Variants in ACER3 observed in about 807,000 individuals in gnomAD.
ACER3 encodes alkCDase 3.
Under a neutral mutation model 48.9 loss-of-function variants are expected in ACER3, and 16 were observed. That is an observed-to-expected ratio of 0.33 (90% confidence interval 0.22 to 0.50). The LOEUF (loss-of-function observed/expected upper bound fraction) is 0.50, where lower values mean the gene tolerates loss of function less well. ACER3 is among the 20% of genes least tolerant of loss of function. ACER3 has a pLI of 0.98. For missense variants in ACER3, 227 were observed against 326.0 expected (o/e 0.70, Z 2.34); for synonymous variants, 109 against 107.8 (o/e 1.01, Z -0.07).
At position 76,965,564 on chromosome 11, in the gene ACER3, T is replaced by A. The variant is rs553122598; in HGVS notation, c.267+6533T>A. 5.7e-3 allele frequency among the ~76,000 whole-genome samples: 861 copies of A among 151,356 alleles called. 4 individuals are homozygous for A. The highest frequency in any genetic ancestry group is 0.01 in the Non-Finnish European group (709 of 68,012). The stretch of plus-strand genomic sequence containing the variant: ...TGTTAAGGGCAGCCAGACAGAAAGG[T>A]AGGGTTACCCACAAAGGGAAGCCCA... On this transcript the variant is annotated intron_variant, in intron 3 of 10. Transcript: ENST00000532485.
intron 7 of ACER3, chr11:77,011,255 C>A: frequency 1.2e-6 from 1 of 827,150 alleles, no homozygotes; most frequent in Non-Finnish European, 1.5e-6. Context: ...TTGCATGGAC[C>A]ATGTGCTGAT....
intron 7 of ACER3, among the ~76,000 whole-genome samples, chr11:77,009,596 GC>G (rs1157125262): frequency 1.3e-5 from 2 of 152,144 alleles, no homozygotes; most frequent in Non-Finnish European, 2.9e-5. Context: ...GACTGCTTGA[GC>G]CCAGGCATTC....
intron 7 of ACER3, among the ~76,000 whole-genome samples, chr11:77,001,299 G>A (rs565650825): frequency 1.3e-5 from 2 of 151,860 alleles, no homozygotes; most frequent in Middle Eastern, 3.4e-3. Flanking sequence ...ACTGTCTCCC[G>A]GGCTGGAGTG....
intron 1 of ACER3, among the ~76,000 whole-genome samples, chr11:76,869,694 A>G (rs1190588048): frequency 1.3e-5 from 2 of 152,108 alleles, no homozygotes; most frequent in Admixed American, 6.6e-5. Flanking sequence ...TTCTGTCTCT[A>G]TAAATTTGAC....
At chr11:76,971,678 A>G (rs1948311595) in intron 3 of ACER3, among the ~76,000 whole-genome samples, 1 of 152,236 alleles carries the variant, frequency 6.6e-6, no homozygotes, top group South Asian at 2.1e-4. Flanking sequence ...TCTTGAGGTC[A>G]CAGAAAGAAT....
At chr11:77,005,159 T>C (rs1412774065) in intron 7 of ACER3, among the ~76,000 whole-genome samples, 1 of 151,658 alleles carries the variant, frequency 6.6e-6, no homozygotes, top group Admixed American at 6.6e-5. Context: ...TGCCTCAGCC[T>C]CCTGAGTAGC....
intron 1 of ACER3, among the ~76,000 whole-genome samples, chr11:76,926,077 A>G (rs1349695180): frequency 6.6e-6 from 1 of 152,206 alleles, no homozygotes; most frequent in Admixed American, 6.5e-5. Flanking sequence ...ACTAGAAATT[A>G]AAACATTACT....
chr11:76,931,790 G>T (rs1341587398), intron 2 of ACER3, among the ~76,000 whole-genome samples: 1 of 151,998 alleles, frequency 6.6e-6, no homozygotes, highest in African/African-American at 2.4e-5. Context: ...GTTGAATATT[G>T]GCCCCCACTC....
chr11:76,961,716 G>A (rs1947999514), intron 3 of ACER3, among the ~76,000 whole-genome samples: 1 of 150,072 alleles, frequency 6.7e-6, no homozygotes, highest in African/African-American at 2.5e-5. Context: ...AAATGGTAAT[G>A]GGTTATAATA....
At chr11:76,958,377 G>A (rs1472212780) in intron 2 of ACER3, among the ~76,000 whole-genome samples, 2 of 147,032 alleles carry the variant, frequency 1.4e-5, no homozygotes, top group African/African-American at 5.0e-5. Context: ...AGTAGAGACG[G>A]GGTTTCACCA....
intron 1 of ACER3, among the ~76,000 whole-genome samples, chr11:76,882,461 C>T (rs1945553946): frequency 6.6e-6 from 1 of 152,092 alleles, no homozygotes; most frequent in African/African-American, 2.4e-5. Context: ...TGTAGAGTGT[C>T]CACTTAGTTC....
chr11:76,960,700 G>C (rs567157782), intron 3 of ACER3, among the ~76,000 whole-genome samples: 57 of 152,216 alleles, frequency 3.7e-4, no homozygotes, highest in African/African-American at 1.4e-3. Flanking sequence ...GTCAACATAG[G>C]GGGATAGTCC....
intron 7 of ACER3, among the ~76,000 whole-genome samples, chr11:77,000,906 C>T (rs958227277): frequency 3.3e-5 from 5 of 152,034 alleles, no homozygotes; most frequent in African/African-American, 1.2e-4. Context: ...CTTTGCCTTT[C>T]CATATAAAGT....
At chr11:76,964,290 T>C (rs1224338391) in intron 3 of ACER3, among the ~76,000 whole-genome samples, 10 of 151,356 alleles carry the variant, frequency 6.6e-5, no homozygotes, top group Admixed American at 6.6e-4. Flanking sequence ...TTGCCGAGGC[T>C]TGAGTAGGTA....
At chr11:76,942,010 T>A (rs1947353563) in intron 2 of ACER3, among the ~76,000 whole-genome samples, 1 of 152,166 alleles carries the variant, frequency 6.6e-6, no homozygotes, top group African/African-American at 2.4e-5. Flanking sequence ...TTATGTACAT[T>A]GATTTTGTAT....
chr11:76,901,301 C>G (rs945214965), intron 1 of ACER3, among the ~76,000 whole-genome samples: 1 of 151,690 alleles, frequency 6.6e-6, no homozygotes, highest in Non-Finnish European at 1.5e-5. Context: ...AAAGGCAGTT[C>G]CTTACTAACA....
chr11:76,886,491 G>A (rs1215947653), intron 1 of ACER3, among the ~76,000 whole-genome samples: 1 of 152,158 alleles, frequency 6.6e-6, no homozygotes, highest in African/African-American at 2.4e-5. Flanking sequence ...TAGGAGATAC[G>A]TTAGCATGTT....
intron 1 of ACER3, among the ~76,000 whole-genome samples, chr11:76,864,871 T>A (rs1945034694): frequency 6.6e-6 from 1 of 151,480 alleles, no homozygotes; most frequent in African/African-American, 2.4e-5. Flanking sequence ...AGTGCTGGGA[T>A]TACAGGCGTG....
intron 1 of ACER3, among the ~76,000 whole-genome samples, chr11:76,887,005 T>C (rs534271479): frequency 6.6e-6 from 1 of 152,178 alleles, no homozygotes; most frequent in Admixed American, 6.5e-5. Context: ...GAGAACAATA[T>C]ATAAAGTTTA....
Sources: gnomAD v4.1 joint callset for allele counts (sites outside exome capture counted in the v4.1 genomes callset) on GRCh38, gnomAD v4.1.1 for gene constraint, MANE v1.5 for transcripts, NCBI Gene and HGNC (gene_info 2026-07-23, HGNC 2026-07-21) for gene names.